The following FAM53A variants were observed in gnomAD, a reference collection of about 807,000 sequenced individuals.
FAM53A encodes protein FAM53A.
Under a neutral mutation model 26.6 loss-of-function variants are expected in FAM53A, and 28 were observed. That is an observed-to-expected ratio of 1.05 (90% CI 0.78 to 1.45). FAM53A has a LOEUF of 1.45. Ranked by LOEUF, FAM53A falls within the 40% of genes most tolerant of loss-of-function variation. FAM53A has a pLI of 0.00. For missense variants in FAM53A, 650 were observed against 575.8 expected (o/e 1.13, Z -1.32); for synonymous variants, 290 against 253.1 (o/e 1.15, Z -1.38).
chr4:1,574,878 C>T, the FAM53A span, among the ~76,000 whole-genome samples: 1 of 152,232 alleles, frequency 6.6e-6, no homozygotes, highest in African/African-American at 2.4e-5. Flanking sequence ...CTGCCCGAAC[C>T]CCTCGGCTAT....
At chr4:1,581,730 G>C in the FAM53A span, among the ~76,000 whole-genome samples, 1 of 152,132 alleles carries the variant, frequency 6.6e-6, no homozygotes, top group African/African-American at 2.4e-5. Flanking sequence ...AAGTAACTGG[G>C]ATTACAGGCA....
At chr4:1,618,808 G>C (rs766307218) in intron 1 of FAM53A, among the ~76,000 whole-genome samples, 2 of 152,114 alleles carry the variant, frequency 1.3e-5, no homozygotes, top group Non-Finnish European at 2.9e-5. Context: ...GAATGCCACC[G>C]CACAGATAAG....
In FAM53A at chr4:1,664,855, G is replaced by A. The variant is rs575705184; in HGVS notation, c.75+3812C>T. ...TAGCTGGGCTTGGTGGCATGTGCCT[G>A]TAATCCCAACTACTGAGGAGGCTGA... On this transcript the variant is annotated intron_variant, in intron 2 of 4. Coordinates refer to ENST00000308132, the MANE Select transcript of FAM53A (RefSeq NM_001174070.3). 1.1e-4 allele frequency among the ~76,000 whole-genome samples: 17 copies of A among 152,182 alleles called. No individual in the cohort carries two copies. The South Asian group carries it at 3.3e-3, about 30-fold the overall frequency.
intron 1 of FAM53A, among the ~76,000 whole-genome samples, chr4:1,681,349 T>C (rs1191461614): frequency 1.3e-5 from 2 of 152,076 alleles, no homozygotes; most frequent in Non-Finnish European, 2.9e-5. Flanking sequence ...CTACCCACCT[T>C]GTAGGGTCCA....
chr4:1,612,663 G>A, the FAM53A span, among the ~76,000 whole-genome samples: 3 of 152,240 alleles, frequency 2.0e-5, no homozygotes, highest in African/African-American at 7.2e-5. Flanking sequence ...CCTGCCGCAT[G>A]TGACACACGT....
At chr4:1,647,291 C>T (rs1188572878) in intron 4 of FAM53A, among the ~76,000 whole-genome samples, 1 of 150,690 alleles carries the variant, frequency 6.6e-6, no homozygotes, top group Non-Finnish European at 1.5e-5. Context: ...GCCGAGATGG[C>T]ACCATTGCAC....
the FAM53A span, among the ~76,000 whole-genome samples, chr4:1,597,448 C>T: frequency 6.6e-6 from 1 of 152,216 alleles, no homozygotes; most frequent in African/African-American, 2.4e-5. Context: ...CGGGGCCAGG[C>T]AGGAGCCCAG....
At chr4:1,574,786 G>A in the FAM53A span, among the ~76,000 whole-genome samples, 3 of 152,240 alleles carry the variant, frequency 2.0e-5, no homozygotes, top group Non-Finnish European at 1.5e-5. Context: ...CAGGTGGTCA[G>A]CGGGCGGCAG....
At chr4:1,621,145 C>T (rs577825256) in intron 1 of FAM53A, among the ~76,000 whole-genome samples, 64 of 142,398 alleles carry the variant, frequency 4.5e-4, no homozygotes, top group African/African-American at 1.5e-3. Context: ...CGCTGTCACC[C>T]AGGCTGGAGT....
intron 4 of FAM53A, among the ~76,000 whole-genome samples, chr4:1,647,867 C>A (rs1424237808): frequency 6.6e-6 from 1 of 152,188 alleles, no homozygotes; most frequent in African/African-American, 2.4e-5. Context: ...AGAGGAAAAT[C>A]AGAGCATTTC....
the FAM53A span, among the ~76,000 whole-genome samples, chr4:1,575,576 C>T: frequency 1.7e-4 from 26 of 152,086 alleles, no homozygotes; most frequent in South Asian, 8.3e-4. Flanking sequence ...AGAGGCAGGA[C>T]GGGGAGCGCC....
At chr4:1,612,213 T>A in the FAM53A span, among the ~76,000 whole-genome samples, 2 of 152,222 alleles carry the variant, frequency 1.3e-5, no homozygotes, top group Admixed American at 6.5e-5. Context: ...CAGCTGTATG[T>A]TTTATACTGA....
At chr4:1,648,411 G>T (rs1484213127) in intron 4 of FAM53A, among the ~76,000 whole-genome samples, 1 of 152,112 alleles carries the variant, frequency 6.6e-6, no homozygotes, top group Non-Finnish European at 1.5e-5. Context: ...TTTTGGGTGG[G>T]ATGAGCAAAG....
rs1347813270 is a variant in FAM53A at position 1,667,733 on chromosome 4, C to T, written c.75+934G>A. ...AACACGCAAGGGGCTACAAATGCAACGTGCCCACGTCTCCAGAGCCACAGC... is the reference window on the plus strand; with the variant it reads ...AACACGCAAGGGGCTACAAATGCAATGTGCCCACGTCTCCAGAGCCACAGC... On this transcript the variant is annotated intron_variant, in intron 2 of 4. Coordinates refer to ENST00000308132, the MANE Select transcript of FAM53A (RefSeq NM_001174070.3). Among the ~76,000 whole-genome samples, 12 of 152,286 alleles carry T rather than the reference C, an allele frequency of 7.9e-5. No homozygotes were observed. The East Asian group carries it at 1.5e-3, about 20-fold the overall frequency.
downstream of FAM53A, among the ~76,000 whole-genome samples, chr4:1,635,009 G>C (rs1219965963): frequency 6.6e-6 from 1 of 152,106 alleles, no homozygotes; most frequent in African/African-American, 2.4e-5. Flanking sequence ...CTATTTACAG[G>C]TTCTCTTTCT....
the FAM53A span, among the ~76,000 whole-genome samples, chr4:1,595,092 G>A: frequency 6.6e-6 from 1 of 152,216 alleles, no homozygotes; most frequent in African/African-American, 2.4e-5. Flanking sequence ...GTGCCAGCAT[G>A]CCAGGGACGG....
the FAM53A span, among the ~76,000 whole-genome samples, chr4:1,610,292 C>G: frequency 6.6e-6 from 1 of 152,150 alleles, no homozygotes; most frequent in Non-Finnish European, 1.5e-5. Flanking sequence ...CTCCAGCTGC[C>G]TCCCCTGGCC....
At chr4:1,632,250 TA>T (rs1715640624) in intron 1 of FAM53A, among the ~76,000 whole-genome samples, 1 of 151,626 alleles carries the variant, frequency 6.6e-6, no homozygotes, top group Non-Finnish European at 1.5e-5. Flanking sequence ...GAGTCGGTCC[TA>T]ATCTAATCTG....
intron 1 of FAM53A, 41 bp downstream of exon 1, chr4:1,684,192 G>A (rs1422502075): frequency 2.0e-5 from 3 of 151,694 alleles, no homozygotes; most frequent in African/African-American, 7.3e-5. Context: ...GCGTGGACAA[G>A]AGAGGAGGGG....
Sources: gnomAD v4.1 joint callset for allele counts (sites outside exome capture counted in the v4.1 genomes callset) on GRCh38, gnomAD v4.1.1 for gene constraint, MANE v1.5 for transcripts, NCBI Gene and HGNC (gene_info 2026-07-23, HGNC 2026-07-21) for gene names.